Variants in NEURL4 observed in about 807,000 individuals in gnomAD.
The protein encoded by NEURL4 is neuralized-like protein 4.
A neutral mutation model predicts 148.0 loss-of-function variants in NEURL4; 45 were observed. The observed-to-expected ratio is 0.30, with a 90% CI of 0.24 to 0.39. The LOEUF is 0.39. Ranked by LOEUF, NEURL4 falls within the 10% of genes least tolerant of loss-of-function variation. NEURL4 has a pLI of 1.00. For missense variants in NEURL4, 1,776 were observed against 2,144.0 expected, an observed-to-expected ratio of 0.83 and a Z score of 3.39; for synonymous variants, 854 against 869.0, an observed-to-expected ratio of 0.98 and a Z score of 0.30.
At position 7,321,663 on chromosome 17, in the gene NEURL4, G is replaced by C. The variant is rs761503204; in HGVS notation, c.2996C>G (p.Pro999Arg). The C allele has an allele frequency of 1.9e-6, 3 of 1,613,908 alleles. No individual in the cohort carries two copies. The highest frequency in any genetic ancestry group is 2.5e-6 in the Non-Finnish European group (3 of 1,180,034). ...CCAAGTGGTCTTCGTCCGGAGCTCT[G>C]GCAGGGAAGGAGGCAGCCCTGGGCC... ...GGGPGLPPSL[P>R]ELRTKTTWMV... Residue 999 changes from proline (P) to arginine (R), a missense_variant, in exon 18 of 29, where the codon CCA becomes CGA. Physicochemically the swap from Pro to Arg is moderately radical, Grantham distance 103 (BLOSUM62 -2). Coordinates refer to ENST00000399464, the MANE Select transcript of NEURL4 (RefSeq NM_032442.3). The surrounding 1 kb of genome is among the most constrained non-coding windows in gnomAD (Gnocchi z 6.3).
chr17:7,327,545 CAG>C lies in NEURL4; in HGVS notation c.620_621del (p.Pro207ArgfsTer22). The C allele has an allele frequency of 6.2e-7, 1 of 1,609,704 alleles. No individual in the cohort carries two copies. The highest frequency in any genetic ancestry group is 8.5e-7 in the Non-Finnish European group (1 of 1,178,598). On this transcript the variant is annotated frameshift_variant, in exon 2 of 29. Coordinates refer to ENST00000399464, the MANE Select transcript of NEURL4 (RefSeq NM_032442.3). LOFTEE classifies it high-confidence loss of function. This position sits in a 1 kb window ranked among gnomAD's most constrained non-coding sequence, Gnocchi z 6.6. ...GGAGTAGGGGGGCTGAAGCCTGGCT[CAG>C]GGGGTAGCACGGTGATCTGGGTGCA... The part of the protein sequence containing the change: ...GKCTQITVLP[P>X]EPGFSPPTPI...
At position 7,324,154 on chromosome 17, in the gene NEURL4, G is replaced by A. The variant is rs200791549; in HGVS notation, c.2016C>T (p.Val672=). ...WNVPPGVYAV[V]DLYGQAAQAT... ...CCTGGGCCGCCTGGCCATAGAGATC[G>A]ACGACAGCATAGACGCCCGGGGGCA... The change falls in exon 11 of 29, where the codon GTC becomes GTT. Residue 672 remains valine (V), a synonymous_variant. Coordinates refer to ENST00000399464, the MANE Select transcript of NEURL4 (RefSeq NM_032442.3). The surrounding 1 kb of genome is among the most constrained non-coding windows in gnomAD (Gnocchi z 5.9). The A allele has an allele frequency of 1.3e-4, 203 of 1,613,716 alleles. No individual in the cohort carries two copies. The highest frequency in any genetic ancestry group is 6.0e-4 in the Admixed American group (36 of 60,028).
At chr17:7,325,152 C>CA in intron 8 of NEURL4, 57 bp downstream of exon 8, 1 of 33,830 alleles carries the variant, frequency 3.0e-5, no homozygotes, top group Non-Finnish European at 5.1e-5. Context: ...CTTGCCCCGC[C>CA]CCCCCCCCCC....
In NEURL4 at chr17:7,318,450, G is replaced by A. The variant is rs1358853729; in HGVS notation, c.3864+45C>T. The A allele has an allele frequency of 6.9e-6, 11 of 1,604,346 alleles. No homozygotes were observed. The highest frequency in any genetic ancestry group is 1.3e-5 in the African/African-American group (1 of 74,742). On this transcript the variant is annotated intron_variant, in intron 23 of 28. Transcript: ENST00000399464. This position sits in a 1 kb window ranked among gnomAD's most constrained non-coding sequence, Gnocchi z 4.3. The stretch of plus-strand genomic sequence containing the variant: ...AGAGATTTCCCCTGTCCTGGACAGC[G>A]CAGACTCTCAGGCACCCCTCCTCCC...
chr17:7,321,409 G>A lies in NEURL4; in HGVS notation c.3150C>T (p.Ile1050=). 6.2e-7 allele frequency: 1 copy of A among 1,614,118 alleles called. No individual in the cohort carries two copies. The highest frequency in any genetic ancestry group is 8.5e-7 in the Non-Finnish European group (1 of 1,180,012). Residue 1050 remains isoleucine, a synonymous_variant, in exon 19 of 29, where the codon ATC becomes ATT. Transcript: ENST00000399464. The surrounding 1 kb of genome is among the most constrained non-coding windows in gnomAD (Gnocchi z 6.3). ...GCCCCATATCCTCTCCATCCACCAG[G>A]ATGTGCATCGTGTCATCTGCCCCCC... ...VRRGADDTMH[I]LVDGEDMGPA... is the part of the protein sequence containing the mutation.
rs1315946395 is a variant in NEURL4 at position 7,326,732 on chromosome 17, A to G, written c.1071T>C (p.Leu357=). Residue 357 remains leucine (L), a synonymous_variant, in exon 4 of 29, where the codon CTT becomes CTC. Transcript: ENST00000399464. The surrounding 1 kb of genome is among the most constrained non-coding windows in gnomAD (Gnocchi z 6.0). ...NNGVVMTNRP[L]RDNEMFEIRI... ...ACACCTCAAACATCTCATTGTCCCGAAGGGGGCGATTGGTCATGACAACCC... is the reference window on the plus strand; with the variant it reads ...ACACCTCAAACATCTCATTGTCCCGGAGGGGGCGATTGGTCATGACAACCC... The G allele has an allele frequency of 3.7e-6, 6 of 1,611,504 alleles. No homozygotes were observed. The highest frequency in any genetic ancestry group is 5.1e-6 in the Non-Finnish European group (6 of 1,179,380).
In NEURL4 at chr17:7,318,251, C is replaced by T; in HGVS notation, c.3952+18G>A. 1 of 1,613,578 alleles carries T rather than the reference C, an allele frequency of 6.2e-7. No homozygotes were observed. The highest frequency in any genetic ancestry group is 8.5e-7 in the Non-Finnish European group (1 of 1,179,524). ...GGGGGAGTAGGGGCAGGAGCTGGGT[C>T]CCTTTGGGCTGGCACACCGTCCACC... On this transcript the variant is annotated intron_variant, in intron 24 of 28. Coordinates refer to ENST00000399464, the MANE Select transcript of NEURL4 (RefSeq NM_032442.3). This position sits in a 1 kb window ranked among gnomAD's most constrained non-coding sequence, Gnocchi z 4.3.
At position 7,327,420 on chromosome 17, in the gene NEURL4, T is replaced by C; in HGVS notation, c.727+20A>G. The C allele has an allele frequency of 1.3e-6, 2 of 1,531,922 alleles. No homozygotes were observed. Among genetic ancestry groups the C allele is most frequent in the South Asian group, 2.5e-5 (2 of 78,760 alleles). 94.9% of individuals were successfully genotyped at this position (1,531,922 alleles called of 1,614,324 possible). A position where few individuals can be genotyped will look rare whatever the true frequency, so the allele number is the denominator to read the frequency against. On this transcript the variant is annotated intron_variant, in intron 2 of 28. Coordinates refer to ENST00000399464, the MANE Select transcript of NEURL4 (RefSeq NM_032442.3). This position sits in a 1 kb window ranked among gnomAD's most constrained non-coding sequence, Gnocchi z 6.6. ...CATTCCGTCCCCACCCCACCACCACTGCCCTAGCTGTGTTCTCACCTTCAT... is the reference window on the plus strand; with the variant it reads ...CATTCCGTCCCCACCCCACCACCACCGCCCTAGCTGTGTTCTCACCTTCAT...
rs772858777 is a variant in NEURL4 at position 7,319,114 on chromosome 17, G to C, written c.3620C>G (p.Ala1207Gly). ...APERLNFPAS[A>G]CALKRAAWLL... ...CCAGGCTGCCCGTTTGAGGGCACAG[G>C]CAGAAGCAGGGAAGTTGAGCCTCTC... The change falls in exon 22 of 29, where the codon GCC becomes GGC. Residue 1207 changes from alanine to glycine, a missense_variant. Transcript: ENST00000399464. The C allele has an allele frequency of 1.9e-6, 3 of 1,614,102 alleles. No individual in the cohort carries two copies. The highest frequency in any genetic ancestry group is 2.5e-6 in the Non-Finnish European group (3 of 1,180,010).
chr17:7,323,447 C>T (rs1204608312), intron 14 of NEURL4, 38 bp downstream of exon 14: 3 of 1,606,132 alleles, frequency 1.9e-6, no homozygotes, highest in African/African-American at 2.7e-5. Flanking sequence ...GCCAGCTCCA[C>T]TCAGCCCCAA....
At position 7,318,955 on chromosome 17, in the gene NEURL4, C is replaced by T; in HGVS notation, c.3684+95G>A. On this transcript the variant is annotated intron_variant, in intron 22 of 28. Transcript: ENST00000399464. The surrounding 1 kb of genome is among the most constrained non-coding windows in gnomAD (Gnocchi z 4.3). The stretch of plus-strand genomic sequence containing the variant: ...ACTGTTCCCCTTTTACACCTGTGGT[C>T]CTACCTCCAAGGCTAGGGGCCCACT... The T allele has an allele frequency of 2.1e-6, 3 of 1,397,396 alleles. No homozygotes were observed. Among genetic ancestry groups the T allele is most frequent in the Non-Finnish European group, 2.9e-6 (3 of 1,028,750 alleles). The allele number at this position is 1,397,396 out of a possible 1,614,324, so 86.6% of individuals were successfully genotyped here.
At chr17:7,320,700 G>A (rs2143012133) in intron 21 of NEURL4, 59 bp downstream of exon 21, 3 of 1,510,826 alleles carry the variant, frequency 2.0e-6, no homozygotes, top group Middle Eastern at 2.0e-4. Flanking sequence ...TTTTTCAGGG[G>A]GGTTGGCCAT....
At chr17:7,325,742 G>C in intron 6 of NEURL4, 29 bp from the exon 7 acceptor site, 1 of 1,581,218 alleles carries the variant, frequency 6.3e-7, no homozygotes, top group Non-Finnish European at 8.7e-7. Context: ...CAGTTTAGAG[G>C]AGTCCTGAGG....
chr17:7,327,491 C>A lies in NEURL4; in HGVS notation c.676G>T (p.Ala226Ser). ...PIPTPPLEPLAPTEDSALAEQ... is the reference protein window; with the variant it reads ...PIPTPPLEPLSPTEDSALAEQ... ...GCCAAGGCAGAGTCTTCAGTGGGGG[C>A]CAAGGGCTCGAGGGGAGGTGTGGGG... Residue 226 changes from alanine to serine, a missense_variant, in exon 2 of 29, where the codon GCC becomes TCC. Physicochemically the swap from Ala to Ser is moderately conservative, Grantham distance 99 (BLOSUM62 1). Coordinates refer to ENST00000399464, the MANE Select transcript of NEURL4 (RefSeq NM_032442.3). This position sits in a 1 kb window ranked among gnomAD's most constrained non-coding sequence, Gnocchi z 6.6. 1 of 1,583,172 alleles carries A rather than the reference C, an allele frequency of 6.3e-7. No homozygotes were observed. The highest frequency in any genetic ancestry group is 8.6e-7 in the Non-Finnish European group (1 of 1,162,654).
At chr17:7,319,616 C>T (rs1281208904) in intron 21 of NEURL4, among the ~76,000 whole-genome samples, 1 of 149,858 alleles carries the variant, frequency 6.7e-6, no homozygotes, top group Non-Finnish European at 1.5e-5. Flanking sequence ...AGAAGAATCG[C>T]TTGAACCCGG....
rs780287676 is a variant in NEURL4 at position 7,317,823 on chromosome 17, A to G, written c.4170T>C (p.Tyr1390=). The change falls in exon 26 of 29, where the codon TAT becomes TAC. Residue 1390 remains tyrosine (Y), a synonymous_variant. Transcript: ENST00000399464. ...ACCTGCACCAGCCAAAGGGCAGTGCATATTCCCGGGGAGGCTCCCCTCTGC... is the reference window on the plus strand; with the variant it reads ...ACCTGCACCAGCCAAAGGGCAGTGCGTATTCCCGGGGAGGCTCCCCTCTGC... ...HRRRGEPPRE[Y]ALPFGWCRFN... The G allele has an allele frequency of 6.2e-7, 1 of 1,614,020 alleles. No homozygotes were observed. The highest frequency in any genetic ancestry group is 1.1e-5 in the South Asian group (1 of 91,080).
At chr17:7,325,039 C>A in intron 8 of NEURL4, 59 bp from the exon 9 acceptor site, 1 of 1,596,596 alleles carries the variant, frequency 6.3e-7, no homozygotes. Context: ...TGTGCCAAGG[C>A]TTAGCCCAGC....
Position 7,316,191 on chromosome 17 carries a change from C to G in NEURL4, c.4621G>C (p.Glu1541Gln), listed in dbSNP as rs2072942027. The change falls in exon 29 of 29, where the codon GAA becomes CAA. Residue 1541 changes from glutamate to glutamine, a missense_variant. Physicochemically the swap from Glu to Gln is conservative, Grantham distance 29. Transcript: ENST00000399464. The part of the protein sequence containing the change: ...EPPDPHFSPA[E>Q]LEWVTKEKGA... Reference sequence around the variant, plus strand: ...TTCTCCTTAGTGACCCACTCAAGTTCGGCTGGACTGAAGTGAGGGTCAGGA... The same window carrying G: ...TTCTCCTTAGTGACCCACTCAAGTTGGGCTGGACTGAAGTGAGGGTCAGGA... The G allele has an allele frequency of 6.2e-7, 1 of 1,609,216 alleles. No individual in the cohort carries two copies. The highest frequency in any genetic ancestry group is 8.5e-7 in the Non-Finnish European group (1 of 1,175,584).
Position 7,323,085 on chromosome 17 carries a change from T to A in NEURL4, c.2456A>T (p.Asn819Ile), listed in dbSNP as rs1168896014. The A allele has an allele frequency of 1.2e-6, 2 of 1,613,746 alleles. No individual in the cohort carries two copies. The highest frequency in any genetic ancestry group is 2.2e-5 in the South Asian group (2 of 91,088). Residue 819 changes from asparagine (N) to isoleucine (I), a missense_variant, in exon 15 of 29, where the codon AAC (asparagine) becomes ATC (isoleucine). Asn to Ile is a moderately radical substitution (Grantham distance 149, BLOSUM62 -3). Coordinates refer to ENST00000399464, the MANE Select transcript of NEURL4 (RefSeq NM_032442.3). ...AIMQDGNTMR[N>I]NYGCDLDALG... is the part of the protein sequence containing the mutation. ...CGCATCCAGGTCACACCCATAATTGTTGCGCATCGTGTTACCGTCTTGCAT... is the reference window on the plus strand; with the variant it reads ...CGCATCCAGGTCACACCCATAATTGATGCGCATCGTGTTACCGTCTTGCAT...
Sources: allele counts gnomAD v4.1 joint callset (sites outside exome capture counted in the v4.1 genomes callset), GRCh38; gene constraint gnomAD v4.1.1; non-coding constraint Gnocchi (gnomAD v3.1); transcripts MANE v1.5; gene names NCBI Gene and HGNC (gene_info 2026-07-23, HGNC 2026-07-21).